The following KYAT3 variants were observed in gnomAD, a reference collection of about 807,000 sequenced individuals.
KYAT3 encodes kynurenine aminotransferase 3, also known as kynurenine--oxoglutarate transaminase 3.
In KYAT3, 50 loss-of-function variants were observed where a neutral mutation model predicts 59.0. The observed-to-expected ratio is 0.85, with a 90% CI of 0.68 to 1.07. The LOEUF (loss-of-function observed/expected upper bound fraction) is 1.07, where lower values mean the gene tolerates loss of function less well. KYAT3 is among the 50% of genes least tolerant of loss of function. The pLI, the probability that KYAT3 is intolerant of heterozygous loss-of-function variation, is 0.00. For missense variants in KYAT3, 497 were observed against 533.3 expected (o/e 0.93, Z 0.67); for synonymous variants, 148 against 177.0 (o/e 0.84, Z 1.30).
chr1:88,930,397 A>G, the KYAT3 span, among the ~76,000 whole-genome samples: 2 of 152,196 alleles, frequency 1.3e-5, no homozygotes, highest in African/African-American at 4.8e-5. Context: ...TCTTCCAGAC[A>G]ATGAAGAAAA....
At chr1:88,984,916 A>C (rs981271279) in intron 2 of KYAT3, among the ~76,000 whole-genome samples, 1 of 152,186 alleles carries the variant, frequency 6.6e-6, no homozygotes. Flanking sequence ...TTGACTTTCC[A>C]TATGTACTGG....
chr1:88,977,224 G>A (rs184918541), intron 2 of KYAT3, among the ~76,000 whole-genome samples: 92 of 151,312 alleles, frequency 6.1e-4, no homozygotes, highest in African/African-American at 2.2e-3. Flanking sequence ...TTTTTGAGAC[G>A]ACGTTTCGCT....
At position 88,944,035 on chromosome 1, in the gene KYAT3, CT is replaced by C. The variant is rs371049141; in HGVS notation, c.1142-613del. On this transcript the variant is annotated intron_variant, in intron 11 of 13. Coordinates refer to ENST00000260508, the MANE Select transcript of KYAT3 (RefSeq NM_001008661.3). ...CATCTCTTGCTCCCATATATTATAC[CT>C]TTTTTTAAATTTGTGAAAAAGTCAA... Among the ~76,000 whole-genome samples, 160 of 152,110 alleles carry C rather than the reference CT, an allele frequency of 1.1e-3. 1 individual carries two copies. The East Asian group carries it at 0.017, about 16-fold the overall frequency.
intron 2 of KYAT3, chr1:88,982,755 A>G (rs2101082399): frequency 6.2e-7 from 1 of 1,613,856 alleles, no homozygotes; most frequent in Admixed American, 1.7e-5. Flanking sequence ...TCACGTGAAG[A>G]AGGGTACCCC....
chr1:88,972,458 T>A (rs1029675265), intron 2 of KYAT3, among the ~76,000 whole-genome samples: 12 of 152,240 alleles, frequency 7.9e-5, no homozygotes, highest in Non-Finnish European at 7.3e-5. Flanking sequence ...TGAATTTTTT[T>A]AAAAAAACCT....
At chr1:88,925,709 G>A in the KYAT3 span, among the ~76,000 whole-genome samples, 1 of 145,874 alleles carries the variant, frequency 6.9e-6, no homozygotes, top group South Asian at 2.2e-4. Flanking sequence ...AGAGATGGAG[G>A]AGAGACAGAG....
At chr1:88,923,164 C>T in the KYAT3 span, among the ~76,000 whole-genome samples, 1 of 152,174 alleles carries the variant, frequency 6.6e-6, no homozygotes, top group Non-Finnish European at 1.5e-5. Context: ...CTTAGGCTTT[C>T]TATGCCTTGC....
intron 2 of KYAT3, chr1:88,979,931 A>G (rs1379072235): frequency 6.6e-6 from 1 of 152,246 alleles, no homozygotes; most frequent in East Asian, 1.9e-4. Flanking sequence ...GTCCATCAAC[A>G]GGTGAGTAGA....
rs1675029415 is a variant in KYAT3, at chr1:88,936,170, C to G, written c.*13G>C. ...AGGTCATCTAACAGAAACATTAATCCATTCTGCACAAATCAAGACTTCTGT... is the reference window on the plus strand; with the variant it reads ...AGGTCATCTAACAGAAACATTAATCGATTCTGCACAAATCAAGACTTCTGT... On this transcript the variant is annotated 3_prime_UTR_variant, in exon 14 of 14. Coordinates refer to ENST00000260508, the MANE Select transcript of KYAT3 (RefSeq NM_001008661.3). 6.3e-7 allele frequency: 1 copy of G among 1,576,736 alleles called. No individual in the cohort carries two copies. The highest frequency in any genetic ancestry group is 1.1e-5 in the South Asian group (1 of 88,130).
chr1:88,973,213 A>C (rs765159239), intron 2 of KYAT3, among the ~76,000 whole-genome samples: 2 of 152,226 alleles, frequency 1.3e-5, no homozygotes, highest in Non-Finnish European at 2.9e-5. Flanking sequence ...TCTTATTCAC[A>C]GCTCTCAGAA....
chr1:88,954,562 A>G (rs17130663), intron 9 of KYAT3, among the ~76,000 whole-genome samples: 4,944 of 152,262 alleles, frequency 0.032, 243 homozygotes, highest in African/African-American at 0.11. Context: ...CAATCTGAAC[A>G]CTTTTTTGCA....
At chr1:88,948,139 A>ACAAAC (rs1476919229) in intron 11 of KYAT3, among the ~76,000 whole-genome samples, 2 of 151,208 alleles carry the variant, frequency 1.3e-5, no homozygotes, top group African/African-American at 4.9e-5. Flanking sequence ...ACAAAACAAA[A>ACAAAC]CAAACTCCTA....
intron 2 of KYAT3, among the ~76,000 whole-genome samples, chr1:88,986,190 AAAAG>A (rs969612122): frequency 1.6e-4 from 24 of 149,228 alleles, no homozygotes; most frequent in Non-Finnish European, 2.8e-4. Flanking sequence ...TGAAAAAAAA[AAAAG>A]AGAGAGAGAG....
intron 13 of KYAT3, among the ~76,000 whole-genome samples, chr1:88,941,864 T>C (rs1271495194): frequency 6.6e-6 from 1 of 152,244 alleles, no homozygotes; most frequent in Non-Finnish European, 1.5e-5. Flanking sequence ...TTTAATATCT[T>C]ATCTTCACTT....
At chr1:88,977,391 G>A (rs1456705600) in intron 2 of KYAT3, among the ~76,000 whole-genome samples, 1 of 152,142 alleles carries the variant, frequency 6.6e-6, no homozygotes, top group Non-Finnish European at 1.5e-5. Flanking sequence ...TAATAGAGAT[G>A]GGGTTTCACC....
At chr1:88,924,145 G>A in the KYAT3 span, among the ~76,000 whole-genome samples, 1 of 152,200 alleles carries the variant, frequency 6.6e-6, no homozygotes, top group Non-Finnish European at 1.5e-5. Flanking sequence ...GTGACCTGGT[G>A]TTGGAGCCAG....
chr1:88,968,209 T>C (rs1480078014), intron 4 of KYAT3, among the ~76,000 whole-genome samples: 4 of 152,150 alleles, frequency 2.6e-5, no homozygotes, highest in African/African-American at 9.7e-5. Flanking sequence ...GCACAACAGA[T>C]ACAAGTCTAC....
intron 9 of KYAT3, among the ~76,000 whole-genome samples, chr1:88,954,330 G>C (rs1334178522): frequency 6.6e-6 from 1 of 152,188 alleles, no homozygotes; most frequent in African/African-American, 2.4e-5. Context: ...TTCCTGTACA[G>C]GCTTGAATTT....
At chr1:88,986,456 A>G (rs1276198011) in intron 2 of KYAT3, among the ~76,000 whole-genome samples, 1 of 151,538 alleles carries the variant, frequency 6.6e-6, no homozygotes, top group East Asian at 2.0e-4. Flanking sequence ...GTGCCCAGCT[A>G]ATGTTTTGTA....
Sources: gnomAD v4.1 joint callset for allele counts (sites outside exome capture counted in the v4.1 genomes callset) on GRCh38, gnomAD v4.1.1 for gene constraint, MANE v1.5 for transcripts, NCBI Gene and HGNC (gene_info 2026-07-23, HGNC 2026-07-21) for gene names.